FSTL4: variants seen among roughly 807,000 people sequenced by gnomAD.
FSTL4 encodes the protein follistatin like 4.
In FSTL4, 28 loss-of-function variants were observed where a neutral mutation model predicts 78.2. The ratio of observed to expected loss-of-function variants is 0.36; its 90% CI spans 0.27 to 0.49. The LOEUF (loss-of-function observed/expected upper bound fraction) is 0.49, where lower values mean the gene tolerates loss of function less well. Among genes scored for constraint, FSTL4 ranks in the 20% least tolerant of loss-of-function variants. The probability of loss-of-function intolerance (pLI) is 0.98; values close to 1 mark genes in which losing one functional copy is unlikely to be tolerated. For synonymous variants in FSTL4, 422 were observed against 440.5 expected (o/e 0.96, Z 0.53); for missense variants, 922 against 1,084.9 (o/e 0.85, Z 2.11).
chr5:133,437,719 G>A (rs1757065564), intron 3 of FSTL4, among the ~76,000 whole-genome samples: 1 of 151,652 alleles, frequency 6.6e-6, no homozygotes, highest in Non-Finnish European at 1.5e-5. Flanking sequence ...TTGAACTCCT[G>A]ACCTCAGGTG....
the FSTL4 span, among the ~76,000 whole-genome samples, chr5:133,764,374 C>T: frequency 2.6e-5 from 4 of 152,138 alleles, no homozygotes; most frequent in East Asian, 3.9e-4. Context: ...AAATACACAG[C>T]GGGCCCGTAT....
the FSTL4 span, among the ~76,000 whole-genome samples, chr5:133,763,000 C>T: frequency 1.3e-5 from 2 of 152,210 alleles, no homozygotes; most frequent in African/African-American, 4.8e-5. Context: ...AGCCTTCATC[C>T]TCTTCCTAAC....
At chr5:133,540,934 C>G (rs768308516) in intron 3 of FSTL4, among the ~76,000 whole-genome samples, 2 of 152,064 alleles carry the variant, frequency 1.3e-5, no homozygotes, top group Non-Finnish European at 2.9e-5. Context: ...ACATTTTCCT[C>G]CCTTGACTTT....
chr5:133,486,751 G>A (rs945521036), intron 3 of FSTL4, among the ~76,000 whole-genome samples: 2 of 152,154 alleles, frequency 1.3e-5, no homozygotes, highest in African/African-American at 4.8e-5. Flanking sequence ...AGTGATCCCA[G>A]AGCAGGAGCT....
At chr5:133,589,353 C>G (rs1306601843) in intron 2 of FSTL4, among the ~76,000 whole-genome samples, 1 of 151,482 alleles carries the variant, frequency 6.6e-6, no homozygotes, top group Admixed American at 6.6e-5. Flanking sequence ...GTGGTCAACC[C>G]TTAGGAACTT....
In FSTL4 at chr5:133,541,097, A is replaced by G. The variant is rs1561462667; in HGVS notation, c.160+26089T>C. Among the ~76,000 whole-genome samples the G allele has an allele frequency of 2.0e-5, 3 of 152,318 alleles. 1 individual carries two copies. In the South Asian group the frequency reaches 6.2e-4, roughly 32 times the overall value. ...GTGTCATCTCATATTTTTGTCCCCAATCTATTATGATTACCTATTGCTATG... is the reference window on the plus strand; with the variant it reads ...GTGTCATCTCATATTTTTGTCCCCAGTCTATTATGATTACCTATTGCTATG... On this transcript the variant is annotated intron_variant, in intron 3 of 15. Coordinates refer to ENST00000265342, the MANE Select transcript of FSTL4 (RefSeq NM_015082.2).
At chr5:133,224,635 G>C (rs955988892) in intron 10 of FSTL4, among the ~76,000 whole-genome samples, 2 of 152,198 alleles carry the variant, frequency 1.3e-5, no homozygotes, top group African/African-American at 4.8e-5. Flanking sequence ...GGCTTAGCCT[G>C]GAGTCTTTGA....
At chr5:133,399,779 G>A (rs1756171294) in intron 4 of FSTL4, among the ~76,000 whole-genome samples, 1 of 152,216 alleles carries the variant, frequency 6.6e-6, no homozygotes, top group Non-Finnish European at 1.5e-5. Context: ...GCACATTCCT[G>A]ACCTCACATA....
chr5:133,635,915 GC>G, the FSTL4 span, among the ~76,000 whole-genome samples: 1 of 152,162 alleles, frequency 6.6e-6, no homozygotes, highest in South Asian at 2.1e-4. Flanking sequence ...GAGAGGTCCT[GC>G]CGTGGGCACG....
intron 13 of FSTL4, among the ~76,000 whole-genome samples, chr5:133,214,115 T>C (rs553494380): frequency 3.4e-4 from 52 of 152,336 alleles, no homozygotes; most frequent in African/African-American, 1.2e-3. Flanking sequence ...CTGCAGCTGA[T>C]GGACTAAGCA....
At chr5:133,226,443 G>A (rs567623183) in intron 8 of FSTL4, among the ~76,000 whole-genome samples, 1 of 152,294 alleles carries the variant, frequency 6.6e-6, no homozygotes, top group South Asian at 2.1e-4. Context: ...ACGAGCATGG[G>A]TGGGCAAGGC....
At chr5:133,270,822 C>T (rs1351558656) in intron 6 of FSTL4, among the ~76,000 whole-genome samples, 1 of 152,152 alleles carries the variant, frequency 6.6e-6, no homozygotes, top group Non-Finnish European at 1.5e-5. Flanking sequence ...TATCCAAAGC[C>T]CAGAACTACT....
In FSTL4 at chr5:133,199,981, T is replaced by G. The variant is rs1750269711; in HGVS notation, c.1827-184A>C. On this transcript the variant is annotated intron_variant, in intron 15 of 15. Transcript: ENST00000265342. The surrounding 1 kb of genome is among the most constrained non-coding windows in gnomAD (Gnocchi z 4.4). ...ATAAACAAATAATCTATGATCTCAA[T>G]CCAAACGCAGTGGAGTTACAAATGT... 6.6e-6 allele frequency among the ~76,000 whole-genome samples: 1 copy of G among 152,238 alleles called. No homozygotes were observed. The highest frequency in any genetic ancestry group is 2.4e-5 in the African/African-American group (1 of 41,464).
intron 4 of FSTL4, among the ~76,000 whole-genome samples, chr5:133,356,192 A>G (rs1561684351): frequency 6.6e-6 from 1 of 152,250 alleles, no homozygotes; most frequent in Non-Finnish European, 1.5e-5. Context: ...CTTATTTGCC[A>G]TAGATTCAAT....
At chr5:133,624,763 T>A in the FSTL4 span, among the ~76,000 whole-genome samples, 1 of 151,794 alleles carries the variant, frequency 6.6e-6, no homozygotes, top group Non-Finnish European at 1.5e-5. Context: ...TTTTTCAAAA[T>A]TATGTTAGCT....
Position 133,217,163 on chromosome 5 carries a change from AAAG to A in FSTL4, c.1608+63_1608+65del, listed in dbSNP as rs1394702600. The stretch of plus-strand genomic sequence containing the variant: ...AGGAGCTGGGGAGTATGCAGAAAGC[AAAG>A]AAGAATGTGGCAGGCTGTGCCCCAG... On this transcript the variant is annotated intron_variant, in intron 13 of 15. Coordinates refer to ENST00000265342, the MANE Select transcript of FSTL4 (RefSeq NM_015082.2). 2.2e-5 allele frequency: 31 copies of A among 1,395,508 alleles called. No individual in the cohort carries two copies. The South Asian group carries it at 3.4e-4, about 15-fold the overall frequency. 86.4% of individuals were successfully genotyped at this position (1,395,508 alleles called of 1,614,324 possible).
chr5:133,225,603 T>C lies in FSTL4; in HGVS notation c.1177+55A>G. ...ACCTCTCGTTTCCATTCCTGGAGTC[T>C]CAGCTTGATTTGAATGGGAATATCG... On this transcript the variant is annotated intron_variant, in intron 9 of 15. Transcript: ENST00000265342. This position sits in a 1 kb window ranked among gnomAD's most constrained non-coding sequence, Gnocchi z 4.6. 6.9e-7 allele frequency: 1 copy of C among 1,441,100 alleles called. No individual in the cohort carries two copies. The highest frequency in any genetic ancestry group is 9.4e-7 in the Non-Finnish European group (1 of 1,060,260). 89.3% of individuals were successfully genotyped at this position (1,441,100 alleles called of 1,614,324 possible). A position where few individuals can be genotyped will look rare whatever the true frequency, so the allele number is the denominator to read the frequency against.
At position 133,197,075 on chromosome 5, in the gene FSTL4, G is replaced by C. The variant is rs1355275450; in HGVS notation, c.*2020C>G. The C allele has an allele frequency of 6.6e-6, 1 of 152,178 alleles. No homozygotes were observed. Among genetic ancestry groups the C allele is most frequent in the Non-Finnish European group, 1.5e-5 (1 of 68,044 alleles). 9.4% of individuals were successfully genotyped at this position (152,178 alleles called of 1,614,324 possible). On this transcript the variant is annotated 3_prime_UTR_variant, in exon 16 of 16. Coordinates refer to ENST00000265342, the MANE Select transcript of FSTL4 (RefSeq NM_015082.2). The stretch of plus-strand genomic sequence containing the variant: ...TAAAAGGCCAGTTTGGGTCAAACTG[G>C]TCTTTGACTTAGGAATCCTGCTGCC...
intron 3 of FSTL4, among the ~76,000 whole-genome samples, chr5:133,554,444 T>C (rs1266808555): frequency 6.6e-6 from 1 of 152,246 alleles, no homozygotes; most frequent in African/African-American, 2.4e-5. Flanking sequence ...CTAATAGATG[T>C]CAAACAGCAT....
Sources: gnomAD v4.1 joint callset for allele counts (sites outside exome capture counted in the v4.1 genomes callset) on GRCh38, gnomAD v4.1.1 for gene constraint, Gnocchi (gnomAD v3.1) non-coding constraint, MANE v1.5 for transcripts, NCBI Gene and HGNC (gene_info 2026-07-23, HGNC 2026-07-21) for gene names.